Variants in ZFPM1 observed in about 807,000 individuals in gnomAD.
ZFPM1 encodes the protein zinc finger protein, FOG family member 1.
Under a neutral mutation model 46.3 loss-of-function variants are expected in ZFPM1, and 28 were observed. The ratio of observed to expected loss-of-function variants is 0.60; its 90% CI spans 0.45 to 0.83. ZFPM1 has a LOEUF of 0.83. ZFPM1 is among the 40% of genes least tolerant of loss of function. The pLI, the probability that ZFPM1 is intolerant of heterozygous loss-of-function variation, is 0.00. For missense variants in ZFPM1, 1,878 were observed against 1,432.4 expected (o/e 1.31, Z -5.02); for synonymous variants, 957 against 675.9 (o/e 1.42, Z -6.45).
intron 3 of ZFPM1, among the ~76,000 whole-genome samples, chr16:88,511,402 G>A (rs980364192): frequency 6.6e-6 from 1 of 152,078 alleles, no homozygotes; most frequent in Admixed American, 6.5e-5. Context: ...GTTGGGTGCT[G>A]ACCATCTCCA....
chr16:88,519,647 A>C (rs1911663643), intron 4 of ZFPM1, among the ~76,000 whole-genome samples: 1 of 112,320 alleles, frequency 8.9e-6, no homozygotes, highest in African/African-American at 3.5e-5. Flanking sequence ...TGAGTGGATG[A>C]TGGATAGGTG....
At chr16:88,517,449 T>A (rs1420200653) in intron 4 of ZFPM1, among the ~76,000 whole-genome samples, 3 of 147,126 alleles carry the variant, frequency 2.0e-5, no homozygotes, top group South Asian at 4.4e-4. Context: ...GATGGACAGA[T>A]GTGTAGGTAA....
At chr16:88,488,426 G>A (rs958660305) in intron 2 of ZFPM1, among the ~76,000 whole-genome samples, 35 of 152,376 alleles carry the variant, frequency 2.3e-4, no homozygotes, top group African/African-American at 4.3e-4. Context: ...CGGGTCCAGC[G>A]AGGCTCCCTC....
At chr16:88,476,360 T>C (rs1908685917) in intron 1 of ZFPM1, among the ~76,000 whole-genome samples, 1 of 152,130 alleles carries the variant, frequency 6.6e-6, no homozygotes. Flanking sequence ...GCTGGGTACC[T>C]ACTGTGTGCC....
chr16:88,498,048 A>G (rs918790475), intron 3 of ZFPM1, among the ~76,000 whole-genome samples: 1 of 152,090 alleles, frequency 6.6e-6, no homozygotes, highest in African/African-American at 2.4e-5. Context: ...CCCCGATAGC[A>G]CTATTAGTCT....
At chr16:88,464,066 CG>C (rs1908017585) in intron 1 of ZFPM1, among the ~76,000 whole-genome samples, 1 of 152,232 alleles carries the variant, frequency 6.6e-6, no homozygotes, top group Non-Finnish European at 1.5e-5. Context: ...CGTGGTCCAT[CG>C]GTCAATCCTT....
At position 88,532,909 on chromosome 16, in the gene ZFPM1, G is replaced by A. The variant is rs752332854; in HGVS notation, c.1163G>A (p.Gly388Glu). Residue 388 changes from glycine (G) to glutamate (E), a missense_variant, in exon 9 of 10, where the codon GGA becomes GAA. Coordinates refer to ENST00000319555, the MANE Select transcript of ZFPM1 (RefSeq NM_153813.3). ...SKGEIYSPGA[G>E]HPATKLPPDS... ...GGTGAGATCTACTCGCCAGGGGCCGGACACCCAGCAACCAAGCTGCCCCCA... is the reference window on the plus strand; with the variant it reads ...GGTGAGATCTACTCGCCAGGGGCCGAACACCCAGCAACCAAGCTGCCCCCA... The A allele has an allele frequency of 1.1e-5, 18 of 1,613,078 alleles. No homozygotes were observed. The highest frequency in any genetic ancestry group is 1.4e-5 in the Non-Finnish European group (17 of 1,179,974).
intron 1 of ZFPM1, among the ~76,000 whole-genome samples, chr16:88,459,235 T>C (rs570021003): frequency 2.6e-5 from 4 of 152,296 alleles, no homozygotes; most frequent in Admixed American, 2.0e-4. Flanking sequence ...CCACAAGCTC[T>C]CTGAGAGCAG....
At position 88,480,494 on chromosome 16, in the gene ZFPM1, G is replaced by A. The variant is rs948950863; in HGVS notation, c.41-5445G>A. Among the ~76,000 whole-genome samples, 8 of 152,202 alleles carry A rather than the reference G, an allele frequency of 5.3e-5. No individual in the cohort carries two copies. The highest frequency in any genetic ancestry group is 1.2e-4 in the African/African-American group (5 of 41,452). ...GCCGTGTGGCTGCCAGTGGTCACCC[G>A]CCCCACCAGCTGCTCACATGGGGCC... On this transcript the variant is annotated intron_variant, in intron 1 of 9. Transcript: ENST00000319555. This position sits in a 1 kb window ranked among gnomAD's most constrained non-coding sequence, Gnocchi z 4.9.
chr16:88,485,262 C>T (rs1458889302), intron 1 of ZFPM1, among the ~76,000 whole-genome samples: 1 of 152,128 alleles, frequency 6.6e-6, no homozygotes, highest in Non-Finnish European at 1.5e-5. Flanking sequence ...GGGCCTGTCC[C>T]CTGGTGCTGG....
At chr16:88,491,325 CG>C (rs1189915628) in intron 3 of ZFPM1, among the ~76,000 whole-genome samples, 1 of 152,220 alleles carries the variant, frequency 6.6e-6, no homozygotes, top group African/African-American at 2.4e-5. Flanking sequence ...AGACCACCCA[CG>C]CAGTGGCAGG....
At chr16:88,454,671 G>T (rs564013086) in intron 1 of ZFPM1, among the ~76,000 whole-genome samples, 29 of 152,380 alleles carry the variant, frequency 1.9e-4, no homozygotes, top group Non-Finnish European at 3.4e-4. Context: ...TGTGCCAGGA[G>T]GGAGCAAGAG....
intron 1 of ZFPM1, among the ~76,000 whole-genome samples, chr16:88,468,126 G>A (rs1459317911): frequency 2.0e-5 from 2 of 99,228 alleles, no homozygotes; most frequent in Non-Finnish European, 1.9e-5. Context: ...CGCCCCTCAC[G>A]CACCCGCGAG....
chr16:88,461,147 G>T (rs1907846111), intron 1 of ZFPM1, among the ~76,000 whole-genome samples: 1 of 97,686 alleles, frequency 1.0e-5, no homozygotes, highest in African/African-American at 5.1e-5. Context: ...ACCTGGTGAG[G>T]ACCGAGGGGC....
chr16:88,457,020 T>C (rs897487893), intron 1 of ZFPM1, among the ~76,000 whole-genome samples: 6 of 152,180 alleles, frequency 3.9e-5, no homozygotes, highest in South Asian at 2.1e-4. Context: ...CTCTCAGAGT[T>C]TGATTAAACA....
intron 1 of ZFPM1, among the ~76,000 whole-genome samples, chr16:88,483,437 G>A (rs933294575): frequency 1.3e-5 from 2 of 152,106 alleles, no homozygotes; most frequent in African/African-American, 4.8e-5. Flanking sequence ...ACCACCTCTG[G>A]CCCCGCCCCA....
Position 88,461,250 on chromosome 16 carries a change from GGCCCTGGTGAGGACCGAC to G in ZFPM1, c.40+7574_40+7591del, listed in dbSNP as rs1293904262. On this transcript the variant is annotated intron_variant, in intron 1 of 9. Transcript: ENST00000319555. Reference sequence around the variant, plus strand: ...GTGAGGACCCAGGGGTGGGGCGGGAGGCCCTGGTGAGGACCGACGGGTGCGAGGCCTGGTGAGGACCAG... The same window carrying G: ...GTGAGGACCCAGGGGTGGGGCGGGAGGGGTGCGAGGCCTGGTGAGGACCAG... 4.8e-3 allele frequency among the ~76,000 whole-genome samples: 598 copies of G among 124,044 alleles called. 43 individuals are homozygous for G. The highest frequency in any genetic ancestry group is 0.011 in the African/African-American group (326 of 29,040). 81.4% of individuals were successfully genotyped at this position (124,044 alleles called of 152,430 possible).
chr16:88,526,745 T>C, intron 4 of ZFPM1, 69 bp from the exon 5 acceptor site: 5 of 1,499,346 alleles, frequency 3.3e-6, no homozygotes, highest in Non-Finnish European at 4.5e-6. Context: ...ATGCCCCACA[T>C]ACTCACGGGA....
At chr16:88,521,463 G>A (rs181580728) in intron 4 of ZFPM1, among the ~76,000 whole-genome samples, 16 of 151,774 alleles carry the variant, frequency 1.1e-4, no homozygotes, top group Non-Finnish European at 2.1e-4. Context: ...GGCCATCGTG[G>A]GTCAGGGACC....
Sources: gnomAD v4.1 joint callset for allele counts (sites outside exome capture counted in the v4.1 genomes callset) on GRCh38, gnomAD v4.1.1 for gene constraint, Gnocchi (gnomAD v3.1) non-coding constraint, MANE v1.5 for transcripts, NCBI Gene and HGNC (gene_info 2026-07-23, HGNC 2026-07-21) for gene names.